TVP23C: variants seen among roughly 807,000 people sequenced by gnomAD.
TVP23C encodes Golgi apparatus membrane protein TVP23 homolog C.
Under a neutral mutation model 28.7 loss-of-function variants are expected in TVP23C, and 19 were observed. That is an observed-to-expected ratio of 0.66 (90% CI 0.46 to 0.97). TVP23C has a LOEUF of 0.97. TVP23C is among the 50% of genes least tolerant of loss of function. TVP23C has a pLI of 0.00. For missense variants in TVP23C, 186 were observed against 241.3 expected (o/e 0.77, Z 1.52); for synonymous variants, 68 against 81.7 (o/e 0.83, Z 0.90).
intron 5 of TVP23C, among the ~76,000 whole-genome samples, chr17:15,509,950 G>A (rs1456771297): frequency 6.6e-6 from 1 of 152,164 alleles, no homozygotes; most frequent in Non-Finnish European, 1.5e-5. Flanking sequence ...GTTGTAAAAT[G>A]AATCATTGTT....
At chr17:15,502,658 C>T (rs1053495894) in exon 6 of TVP23C, 2 of 862,810 alleles carry the variant, frequency 2.3e-6, no homozygotes, top group Non-Finnish European at 3.3e-6. Context: ...GCTGCTGCCT[C>T]TCTTCTGCCC....
At chr17:15,507,344 A>G in intron 5 of TVP23C, 1 of 746,118 alleles carries the variant, frequency 1.3e-6, no homozygotes, top group East Asian at 2.6e-5. Context: ...CTGACTGGAC[A>G]ACTCTAATAA....
intron 5 of TVP23C, among the ~76,000 whole-genome samples, chr17:15,513,500 G>A (rs1227006278): frequency 6.6e-6 from 1 of 152,200 alleles, no homozygotes; most frequent in Non-Finnish European, 1.5e-5. Flanking sequence ...CATGTTTGAA[G>A]GGCTGTCCAG....
intron 3 of TVP23C, among the ~76,000 whole-genome samples, chr17:15,552,548 G>A (rs1983941110): frequency 6.6e-6 from 1 of 151,944 alleles, no homozygotes; most frequent in African/African-American, 2.4e-5. Context: ...GCCAGGCGTG[G>A]TGGTGCATGC....
chr17:15,533,356 G>C (rs1983024445), downstream of TVP23C, among the ~76,000 whole-genome samples: 1 of 152,156 alleles, frequency 6.6e-6, no homozygotes, highest in African/African-American at 2.4e-5. Flanking sequence ...CACTACAAAT[G>C]CAGACTACTG....
intron 5 of TVP23C, among the ~76,000 whole-genome samples, chr17:15,511,053 C>CAAAAA: frequency 1.2e-5 from 1 of 83,398 alleles, no homozygotes; most frequent in Non-Finnish European, 2.3e-5. Flanking sequence ...GACTTCGTCT[C>CAAAAA]AAAAAAAAAA....
chr17:15,559,734 C>T lies in TVP23C; in HGVS notation c.12+3703G>A, dbSNP rs1413069787. Reference sequence around the variant, plus strand: ...ATTCCAAGTACATTTTAAGGTAGAGCTGACAGGATTTGCTGATGGACTGAC... The same window carrying T: ...ATTCCAAGTACATTTTAAGGTAGAGTTGACAGGATTTGCTGATGGACTGAC... On this transcript the variant is annotated intron_variant, in intron 1 of 5. Transcript: ENST00000518321. Among the ~76,000 whole-genome samples the T allele has an allele frequency of 1.4e-5, 2 of 140,254 alleles. 1 individual carries two copies. The highest frequency in any genetic ancestry group is 5.3e-5 in the African/African-American group (2 of 37,926). 92.0% of individuals were successfully genotyped at this position (140,254 alleles called of 152,430 possible). A position where few individuals can be genotyped will look rare whatever the true frequency, so the allele number is the denominator to read the frequency against.
intron 3 of TVP23C, 30 bp downstream of exon 3, chr17:15,553,655 T>C: frequency 1.3e-6 from 2 of 1,570,300 alleles, no homozygotes; most frequent in Non-Finnish European, 1.7e-6. Flanking sequence ...ATATTAAATA[T>C]AATTTTAAAA....
At chr17:15,555,181 G>C in intron 2 of TVP23C, 101 bp downstream of exon 2, 1 of 1,484,856 alleles carries the variant, frequency 6.7e-7, no homozygotes, top group East Asian at 2.3e-5. Flanking sequence ...GTATTCACAA[G>C]CACATTGAAA....
intron 5 of TVP23C, among the ~76,000 whole-genome samples, chr17:15,507,565 G>A (rs768527944): frequency 8.7e-4 from 132 of 152,308 alleles, no homozygotes; most frequent in Admixed American, 1.9e-3. Context: ...TAGGCCGGGC[G>A]CGGTGGCTCA....
chr17:15,545,730 T>C, intron 5 of TVP23C, 55 bp downstream of exon 5: 1 of 1,566,000 alleles, frequency 6.4e-7, no homozygotes, highest in South Asian at 1.2e-5. Context: ...TTGCTTCCTA[T>C]GATTACCATC....
chr17:15,521,233 G>A (rs370145662), intron 5 of TVP23C, among the ~76,000 whole-genome samples: 152 of 152,186 alleles, frequency 1.0e-3, no homozygotes, highest in African/African-American at 3.4e-3. Context: ...GGCCAGGTGC[G>A]GTGGCTCACA....
Position 15,540,154 on chromosome 17 carries a change from T to C in TVP23C, c.*258A>G, listed in dbSNP as rs187068533. On this transcript the variant is annotated 3_prime_UTR_variant, in exon 6 of 6. Transcript: ENST00000518321. ...CAAGGGCATTCACTTAAAGCTCCCA[T>C]AATTGATGAAAAACAACTGAACTTA... 8.7e-6 allele frequency: 11 copies of C among 1,262,228 alleles called. No individual in the cohort carries two copies. In the East Asian group the frequency reaches 4.2e-4, roughly 48 times the overall value. The allele number at this position is 1,262,228 out of a possible 1,614,324, so 78.2% of individuals were successfully genotyped here.
chr17:15,522,508 G>A (rs1400574317), intron 5 of TVP23C, among the ~76,000 whole-genome samples: 3 of 152,196 alleles, frequency 2.0e-5, no homozygotes, highest in Non-Finnish European at 2.9e-5. Flanking sequence ...ATTCAATACA[G>A]GGTGCTGATA....
At chr17:15,502,727 TCTCTTTCTCTCTCCTCTCTCC>T in exon 6 of TVP23C, 2 of 958,870 alleles carry the variant, frequency 2.1e-6, no homozygotes, top group Non-Finnish European at 2.8e-6. Flanking sequence ...CTCCTCTCTC[TCTCTTTCTCTCTCCTCTCTCC>T]CGTCTCTTTC....
intron 3 of TVP23C, among the ~76,000 whole-genome samples, chr17:15,550,116 A>C (rs1336866483): frequency 3.9e-5 from 6 of 152,120 alleles, no homozygotes; most frequent in Non-Finnish European, 8.8e-5. Context: ...TCTGGACTCA[A>C]GTAGTCCATT....
chr17:15,537,302 T>A lies in TVP23C; in HGVS notation c.*3110A>T, dbSNP rs938131738. The A allele has an allele frequency of 1.3e-6, 1 of 758,258 alleles. No homozygotes were observed. Among genetic ancestry groups the A allele is most frequent in the East Asian group, 1.3e-4 (1 of 7,706 alleles). The allele number at this position is 758,258 out of a possible 1,614,324, so 47.0% of individuals were successfully genotyped here. A position where few individuals can be genotyped will look rare whatever the true frequency, so the allele number is the denominator to read the frequency against. On this transcript the variant is annotated 3_prime_UTR_variant, in exon 6 of 6. Transcript: ENST00000518321. Reference sequence around the variant, plus strand: ...AAAAAAATAGATTCAGAAAATAAAATGTCTTTTAGGCATTTATTATGCCAA... The same window carrying A: ...AAAAAAATAGATTCAGAAAATAAAAAGTCTTTTAGGCATTTATTATGCCAA...
chr17:15,561,630 G>GAATGAATAAATA lies in TVP23C; in HGVS notation c.12+1806_12+1807insTATTTATTCATT, dbSNP rs1350335513. On this transcript the variant is annotated intron_variant, in intron 1 of 5. Transcript: ENST00000518321. ...TGAATGAATGAATGAATGAATGAAT[G>GAATGAATAAATA]AATAAATAAATAAATAAATAAATAA... 5.3e-3 allele frequency among the ~76,000 whole-genome samples: 700 copies of GAATGAATAAATA among 131,544 alleles called. 2 individuals are homozygous for GAATGAATAAATA. Among genetic ancestry groups the GAATGAATAAATA allele is most frequent in the African/African-American group, 0.018 (617 of 34,516 alleles). The allele number at this position is 131,544 out of a possible 152,430, so 86.3% of individuals were successfully genotyped here.
At position 15,523,864 on chromosome 17, in the gene TVP23C, C is replaced by A. The variant is rs1453330486; in HGVS notation, c.463-20632G>T. On this transcript the variant is annotated intron_variant, in intron 5 of 5. Coordinates refer to the TVP23C transcript ENST00000225576. ...TCCTGACCTCGTGATCTGCCCGCCT[C>A]GGCCTCCCAAAGTGCTGGGATTACA... 2.0e-5 allele frequency among the ~76,000 whole-genome samples: 3 copies of A among 151,986 alleles called. No homozygotes were observed. The South Asian group carries it at 6.2e-4, about 32-fold the overall frequency.
Sources: gnomAD v4.1 joint callset for allele counts (sites outside exome capture counted in the v4.1 genomes callset) on GRCh38, gnomAD v4.1.1 for gene constraint, MANE v1.5 for transcripts, NCBI Gene and HGNC (gene_info 2026-07-23, HGNC 2026-07-21) for gene names.